The following GRIK2 variants were observed in gnomAD, a reference collection of about 807,000 sequenced individuals.
GRIK2 encodes glutamate receptor ionotropic, kainate 2.
Under a neutral mutation model 100.3 loss-of-function variants are expected in GRIK2, and 32 were observed. That is an observed-to-expected ratio of 0.32 (90% CI 0.24 to 0.43). The LOEUF (loss-of-function observed/expected upper bound fraction) is 0.43, where lower values mean the gene tolerates loss of function less well. Ranked by LOEUF, GRIK2 falls within the 20% of genes least tolerant of loss-of-function variation. The pLI is 1.00. For missense variants in GRIK2, 843 were observed against 1,114.9 expected (o/e 0.76, Z 3.47); for synonymous variants, 417 against 389.4 (o/e 1.07, Z -0.83).
intron 2 of GRIK2, among the ~76,000 whole-genome samples, chr6:101,501,062 A>G (rs6930522): frequency 0.33 from 50,232 of 151,986 alleles, 8,430 homozygotes; most frequent in Middle Eastern, 0.4. Flanking sequence ...TTACTTTTGA[A>G]TATTAATGAC....
At chr6:101,821,104 C>T (rs934380730) in intron 10 of GRIK2, among the ~76,000 whole-genome samples, 6 of 152,004 alleles carry the variant, frequency 3.9e-5, no homozygotes, top group African/African-American at 7.2e-5. Flanking sequence ...AGACGAAGTA[C>T]AGAACTTTCA....
chr6:102,046,500 C>A (rs758552812), intron 15 of GRIK2, among the ~76,000 whole-genome samples: 5 of 152,052 alleles, frequency 3.3e-5, no homozygotes, highest in Admixed American at 1.3e-4. Context: ...CTCCCCACAA[C>A]CTGCACCCAC....
At chr6:101,663,135 C>T (rs142792931) in intron 4 of GRIK2, among the ~76,000 whole-genome samples, 3 of 152,220 alleles carry the variant, frequency 2.0e-5, no homozygotes, top group African/African-American at 7.2e-5. Flanking sequence ...TAAGCTCTTT[C>T]ATCAATGTCA....
At chr6:101,634,739 A>G (rs1780923693) in intron 4 of GRIK2, among the ~76,000 whole-genome samples, 1 of 152,038 alleles carries the variant, frequency 6.6e-6, no homozygotes, top group Admixed American at 6.6e-5. Context: ...TATTTTTAGA[A>G]ATAGTAATAT....
intron 2 of GRIK2, among the ~76,000 whole-genome samples, chr6:101,521,011 G>A (rs373710523): frequency 9.9e-5 from 15 of 151,956 alleles, no homozygotes; most frequent in East Asian, 5.8e-4. Flanking sequence ...TTAGTTGGTC[G>A]AGCAAAAGAA....
chr6:102,059,194 A>G (rs1771619526), intron 16 of GRIK2, among the ~76,000 whole-genome samples: 1 of 151,302 alleles, frequency 6.6e-6, no homozygotes, highest in African/African-American at 2.4e-5. Context: ...AGCATTTAAA[A>G]ATGGAAATTG....
chr6:102,051,434 A>G (rs1373184280), intron 15 of GRIK2, among the ~76,000 whole-genome samples: 2 of 152,130 alleles, frequency 1.3e-5, no homozygotes, highest in Non-Finnish European at 2.9e-5. Flanking sequence ...TTAAATTATC[A>G]AAGAAAGTCC....
At chr6:101,962,768 A>G (rs1325287193) in intron 14 of GRIK2, among the ~76,000 whole-genome samples, 1 of 152,164 alleles carries the variant, frequency 6.6e-6, no homozygotes, top group African/African-American at 2.4e-5. Flanking sequence ...TTATTAAACT[A>G]GAATAACAAA....
intron 10 of GRIK2, among the ~76,000 whole-genome samples, chr6:101,849,089 A>G (rs1783968785): frequency 6.8e-6 from 1 of 147,040 alleles, no homozygotes. Flanking sequence ...GAATGTTAAA[A>G]CAGGTAACTA....
intron 2 of GRIK2, among the ~76,000 whole-genome samples, chr6:101,602,156 C>A (rs1414684320): frequency 6.6e-6 from 1 of 151,446 alleles, no homozygotes; most frequent in African/African-American, 2.4e-5. Flanking sequence ...ATATTTTGTT[C>A]TCTCCCTTAA....
At chr6:101,529,637 A>G (rs1488471087) in intron 2 of GRIK2, among the ~76,000 whole-genome samples, 1 of 152,140 alleles carries the variant, frequency 6.6e-6, no homozygotes, top group Non-Finnish European at 1.5e-5. Context: ...TGTGCGAGGC[A>G]TCGATCCAAC....
At chr6:101,494,937 TAAATG>T (rs1179047653) in intron 2 of GRIK2, among the ~76,000 whole-genome samples, 7 of 135,556 alleles carry the variant, frequency 5.2e-5, no homozygotes, top group Admixed American at 3.9e-4. Context: ...AATAAATAAA[TAAATG>T]AAATAAAAAG....
At chr6:101,615,882 A>T (rs678460) in intron 2 of GRIK2, among the ~76,000 whole-genome samples, 5,421 of 151,936 alleles carry the variant, frequency 0.036, 298 homozygotes, top group African/African-American at 0.12. Flanking sequence ...ACCAGCTGAG[A>T]TCTTCCTCAG....
At chr6:101,902,096 A>T (rs919190759) in intron 12 of GRIK2, among the ~76,000 whole-genome samples, 3 of 151,136 alleles carry the variant, frequency 2.0e-5, no homozygotes, top group African/African-American at 7.4e-5. Context: ...TGGCAGTGAA[A>T]AGGGCTTTCC....
intron 10 of GRIK2, among the ~76,000 whole-genome samples, chr6:101,842,450 TAA>T (rs1231590007): frequency 2.6e-5 from 4 of 152,186 alleles, no homozygotes; most frequent in Non-Finnish European, 5.9e-5. Context: ...CTTTTTTCTA[TAA>T]AATGTTATCT....
At chr6:101,549,274 T>C (rs1399352727) in intron 2 of GRIK2, among the ~76,000 whole-genome samples, 1 of 25,560 alleles carries the variant, frequency 3.9e-5, no homozygotes, top group Non-Finnish European at 7.6e-5. Flanking sequence ...AGTGATGAAC[T>C]GAAAAAAAAA....
chr6:101,661,196 C>T (rs1035500890), intron 4 of GRIK2, among the ~76,000 whole-genome samples: 9 of 152,100 alleles, frequency 5.9e-5, no homozygotes, highest in Non-Finnish European at 1.0e-4. Flanking sequence ...TCTAGAGGGG[C>T]GATCTGGCCA....
At chr6:101,901,860 C>A (rs917558752) in intron 12 of GRIK2, among the ~76,000 whole-genome samples, 3 of 151,804 alleles carry the variant, frequency 2.0e-5, no homozygotes, top group Non-Finnish European at 2.9e-5. Flanking sequence ...TTTCACTAAG[C>A]CTTTCAAATT....
At chr6:101,572,097 T>A (rs944140602) in intron 2 of GRIK2, among the ~76,000 whole-genome samples, 4 of 152,256 alleles carry the variant, frequency 2.6e-5, no homozygotes, top group South Asian at 2.1e-4. Context: ...GTATCTTTTT[T>A]AATGATTTTT....
Sources: gnomAD v4.1 joint callset for allele counts (sites outside exome capture counted in the v4.1 genomes callset) on GRCh38, gnomAD v4.1.1 for gene constraint, MANE v1.5 for transcripts, NCBI Gene and HGNC (gene_info 2026-07-23, HGNC 2026-07-21) for gene names.